LDLRAD4: variants seen among roughly 807,000 people sequenced by gnomAD.
LDLRAD4 encodes the protein low-density lipoprotein receptor class A domain-containing protein 4.
In LDLRAD4, 5 loss-of-function variants were observed where a neutral mutation model predicts 17.0. The ratio of observed to expected loss-of-function variants is 0.29; its 90% CI spans 0.15 to 0.62. LDLRAD4 has a LOEUF of 0.62. LDLRAD4 is among the 20% of genes least tolerant of loss of function. The pLI is 0.84. For synonymous variants in LDLRAD4, 168 were observed against 171.8 expected (o/e 0.98, Z 0.17); for missense variants, 340 against 424.7 (o/e 0.80, Z 1.75).
At chr18:13,644,765 G>GTAT in intron 5 of LDLRAD4, 1 of 218,350 alleles carries the variant, frequency 4.6e-6, no homozygotes, top group Non-Finnish European at 9.0e-6. Context: ...AGTGCAGGCC[G>GTAT]CAGTGCTCTT....
intron 1 of LDLRAD4, among the ~76,000 whole-genome samples, chr18:13,242,423 C>G (rs2042709038): frequency 1.3e-5 from 2 of 152,328 alleles, no homozygotes; most frequent in South Asian, 4.1e-4. Context: ...TGGAATCCAA[C>G]TAAGGTAAGG....
At chr18:13,246,800 A>G (rs1048240960) in intron 1 of LDLRAD4, among the ~76,000 whole-genome samples, 1 of 152,258 alleles carries the variant, frequency 6.6e-6, no homozygotes, top group Non-Finnish European at 1.5e-5. Context: ...TAGTCACACT[A>G]GAAAGGAGAA....
chr18:13,336,902 C>T (rs542961062), intron 1 of LDLRAD4, among the ~76,000 whole-genome samples: 4 of 152,188 alleles, frequency 2.6e-5, no homozygotes, highest in East Asian at 1.9e-4. Flanking sequence ...AGGGAGTATT[C>T]GTCTATTAGT....
At chr18:13,630,434 T>C (rs895834093) in intron 4 of LDLRAD4, among the ~76,000 whole-genome samples, 2 of 152,092 alleles carry the variant, frequency 1.3e-5, no homozygotes, top group African/African-American at 2.4e-5. Flanking sequence ...ACAGGGAAAA[T>C]TGATTTTATC....
chr18:13,344,416 G>A (rs2082557325), intron 1 of LDLRAD4, among the ~76,000 whole-genome samples: 1 of 152,098 alleles, frequency 6.6e-6, no homozygotes, highest in Admixed American at 6.5e-5. Flanking sequence ...TATTTCTGAG[G>A]GCTCTGTTCT....
intron 2 of LDLRAD4, among the ~76,000 whole-genome samples, chr18:13,428,265 C>T (rs908819336): frequency 3.3e-5 from 5 of 151,984 alleles, no homozygotes; most frequent in African/African-American, 9.7e-5. Flanking sequence ...GAGGCCACGG[C>T]GATGGTGATG....
At chr18:13,522,210 AAG>A (rs1183680078) in intron 3 of LDLRAD4, 3 of 152,098 alleles carry the variant, frequency 2.0e-5, no homozygotes, top group African/African-American at 7.2e-5. Flanking sequence ...CTCTCTGGAC[AAG>A]CTGCATAATT....
At chr18:13,232,109 C>T (rs902432754) in intron 1 of LDLRAD4, among the ~76,000 whole-genome samples, 3 of 152,248 alleles carry the variant, frequency 2.0e-5, no homozygotes, top group Non-Finnish European at 4.4e-5. Context: ...GTGAAGCTCT[C>T]TCCTGGTGGG....
intron 3 of LDLRAD4, chr18:13,521,535 TG>T (rs1360775823): frequency 5.3e-5 from 8 of 152,088 alleles, no homozygotes; most frequent in African/African-American, 1.9e-4. Flanking sequence ...TGGAATAACT[TG>T]GGAGGTGGTA....
chr18:13,450,327 C>T (rs55662772), intron 3 of LDLRAD4, among the ~76,000 whole-genome samples: 2 of 27,896 alleles, frequency 7.2e-5, no homozygotes, highest in African/African-American at 2.2e-4. Flanking sequence ...TCTCCCCCCA[C>T]CCCCCCCCCC....
chr18:13,358,349 A>G (rs1311209316), intron 1 of LDLRAD4, among the ~76,000 whole-genome samples: 4 of 151,816 alleles, frequency 2.6e-5, no homozygotes, highest in South Asian at 4.1e-4. Flanking sequence ...TATTTTATAT[A>G]TAGAGAGAGA....
intron 3 of LDLRAD4, among the ~76,000 whole-genome samples, chr18:13,498,080 G>A (rs1230283703): frequency 2.3e-5 from 3 of 129,342 alleles, no homozygotes; most frequent in Non-Finnish European, 3.2e-5. Context: ...CGCCATACAC[G>A]TCCTGCTGTG....
intron 1 of LDLRAD4, among the ~76,000 whole-genome samples, chr18:13,386,338 A>G (rs2085794907): frequency 6.6e-6 from 1 of 151,832 alleles, no homozygotes; most frequent in Admixed American, 6.6e-5. Context: ...AAAATATCTG[A>G]AAAACATTTT....
At chr18:13,482,557 TG>T (rs1306732727) in intron 3 of LDLRAD4, among the ~76,000 whole-genome samples, 2 of 152,190 alleles carry the variant, frequency 1.3e-5, no homozygotes, top group African/African-American at 4.8e-5. Flanking sequence ...TGAGGCCAAT[TG>T]CATGGGAAGG....
At chr18:13,632,529 G>A (rs2041755595) in intron 4 of LDLRAD4, among the ~76,000 whole-genome samples, 1 of 152,238 alleles carries the variant, frequency 6.6e-6, no homozygotes, top group Non-Finnish European at 1.5e-5. Context: ...GAATGTGATG[G>A]TACCCGGAAG....
intron 1 of LDLRAD4, among the ~76,000 whole-genome samples, chr18:13,255,281 G>T (rs956471102): frequency 6.6e-6 from 1 of 152,206 alleles, no homozygotes; most frequent in Non-Finnish European, 1.5e-5. Flanking sequence ...TCTGTGCTGG[G>T]AGAGGCAGAG....
intron 1 of LDLRAD4, among the ~76,000 whole-genome samples, chr18:13,372,374 G>A (rs920407952): frequency 3.9e-5 from 6 of 152,192 alleles, no homozygotes; most frequent in African/African-American, 7.2e-5. Context: ...GGATTTGCTC[G>A]TCAGCAGTAT....
chr18:13,439,173 C>T (rs910539373), intron 3 of LDLRAD4, among the ~76,000 whole-genome samples: 2 of 152,136 alleles, frequency 1.3e-5, no homozygotes, highest in Admixed American at 6.5e-5. Context: ...CTTCTCTCCC[C>T]AGTTTTACTG....
intron 3 of LDLRAD4, among the ~76,000 whole-genome samples, chr18:13,616,753 G>A (rs915977241): frequency 4.6e-5 from 7 of 152,218 alleles, no homozygotes; most frequent in Admixed American, 4.6e-4. Flanking sequence ...CCAGGGCTGA[G>A]TGCCTTCATG....
Sources: gnomAD v4.1 joint callset for allele counts (sites outside exome capture counted in the v4.1 genomes callset) on GRCh38, gnomAD v4.1.1 for gene constraint, MANE v1.5 for transcripts, NCBI Gene and HGNC (gene_info 2026-07-23, HGNC 2026-07-21) for gene names.